PLD3: variants seen among roughly 807,000 people sequenced by gnomAD.
The protein encoded by PLD3 is phospholipase D family member 3.
A neutral mutation model predicts 58.4 loss-of-function variants in PLD3; 31 were observed. The ratio of observed to expected loss-of-function variants is 0.53; its 90% confidence interval spans 0.40 to 0.72. The LOEUF (loss-of-function observed/expected upper bound fraction) is 0.72. PLD3 is among the 30% of genes least tolerant of loss of function. The probability of loss-of-function intolerance (pLI) is 0.00; values close to 1 mark genes in which losing one functional copy is unlikely to be tolerated. For synonymous variants in PLD3, 264 were observed against 273.4 expected, an observed-to-expected ratio of 0.97 and a Z score of 0.34; for missense variants, 595 against 659.8, an observed-to-expected ratio of 0.90 and a Z score of 1.08.
rs751119553 is a variant in PLD3 at position 40,378,140 on chromosome 19, T to G, written c.1440T>G (p.Ala480=). Residue 480 remains alanine (A), a synonymous_variant, in exon 13 of 13, where the codon GCT becomes GCG. Coordinates refer to ENST00000409735, the MANE Select transcript of PLD3 (RefSeq NM_012268.4). ...SPYSHDLDTS[A]DSVGNACRLL is the part of the protein sequence containing the mutation. ...ACAGCCATGACCTTGACACCTCAGCTGACAGCGTGGGCAACGCCTGCCGCC... is the reference window on the plus strand; with the variant it reads ...ACAGCCATGACCTTGACACCTCAGCGGACAGCGTGGGCAACGCCTGCCGCC... The G allele has an allele frequency of 5.6e-6, 9 of 1,612,958 alleles. No individual in the cohort carries two copies. Among genetic ancestry groups the G allele is most frequent in the Non-Finnish European group, 6.8e-6 (8 of 1,179,378 alleles).
intron 9 of PLD3, among the ~76,000 whole-genome samples, chr19:40,372,693 G>A (rs1186702542): frequency 1.3e-5 from 2 of 151,022 alleles, no homozygotes; most frequent in Non-Finnish European, 2.9e-5. Context: ...CAAGAACTAG[G>A]GAGACACCAT....
intron 8 of PLD3, 186 bp downstream of exon 8, chr19:40,370,423 A>C (rs2079039273): frequency 2.4e-4 from 135 of 554,172 alleles, no homozygotes; most frequent in Middle Eastern, 4.6e-4. Context: ...CTATAATCTC[A>C]ACACTTTGGG....
chr19:40,370,333 C>T, intron 8 of PLD3, 96 bp downstream of exon 8: 3 of 1,367,698 alleles, frequency 2.2e-6, no homozygotes, highest in Non-Finnish European at 3.0e-6. Context: ...CCAGAGTCCT[C>T]TCCACCCATT....
At chr19:40,354,699 T>C (rs1377796368) in intron 1 of PLD3, among the ~76,000 whole-genome samples, 1 of 151,930 alleles carries the variant, frequency 6.6e-6, no homozygotes, top group Non-Finnish European at 1.5e-5. Context: ...CTAATTTTTG[T>C]ATTTTTAACA....
intron 6 of PLD3, among the ~76,000 whole-genome samples, chr19:40,368,869 G>A (rs962860687): frequency 1.2e-4 from 19 of 152,008 alleles, no homozygotes; most frequent in Admixed American, 1.1e-3. Context: ...AGGCTGCAGC[G>A]AGCCGTGATC....
intron 1 of PLD3, among the ~76,000 whole-genome samples, chr19:40,361,449 A>G: frequency 6.6e-6 from 1 of 152,128 alleles, no homozygotes; most frequent in Admixed American, 6.5e-5. Flanking sequence ...AGCAGATCAC[A>G]TCATCCTTCC....
chr19:40,373,314 T>G (rs764812777), intron 9 of PLD3, among the ~76,000 whole-genome samples: 1 of 151,738 alleles, frequency 6.6e-6, no homozygotes, highest in Non-Finnish European at 1.5e-5. Flanking sequence ...CAGTGGCTCA[T>G]GCCTGTAATC....
chr19:40,366,240 G>A (rs1176745832), intron 2 of PLD3, 179 bp from the exon 3 acceptor site: 1 of 593,588 alleles, frequency 1.7e-6, no homozygotes, highest in East Asian at 2.9e-5. Flanking sequence ...CAGAGCGTTG[G>A]ATTTTGAGGG....
At position 40,367,899 on chromosome 19, in the gene PLD3, T is replaced by A; in HGVS notation, c.429+20T>A. The A allele has an allele frequency of 6.6e-7, 1 of 1,517,492 alleles. No individual in the cohort carries two copies. Among genetic ancestry groups the A allele is most frequent in the Non-Finnish European group, 8.8e-7 (1 of 1,130,508 alleles). 94.0% of individuals were successfully genotyped at this position (1,517,492 alleles called of 1,614,324 possible). ...CAGCAGGTACCTGCAACCTTGGCCC[T>A]GGCCGGCAGCAGGGGCAGGGGGTGG... is the stretch of plus-strand genomic sequence containing the variant. On this transcript the variant is annotated intron_variant, in intron 6 of 12. Transcript: ENST00000409735.
intron 10 of PLD3, 155 bp from the exon 11 acceptor site, chr19:40,376,454 T>C (rs2079203631): frequency 1.5e-6 from 1 of 665,188 alleles, no homozygotes; most frequent in African/African-American, 1.8e-5. Context: ...ATGTGGGATT[T>C]ATGGAGACAG....
chr19:40,354,168 G>T (rs2078594838), intron 1 of PLD3, among the ~76,000 whole-genome samples: 1 of 151,224 alleles, frequency 6.6e-6, no homozygotes, highest in Non-Finnish European at 1.5e-5. Flanking sequence ...CCACCTTCTG[G>T]GGTCAAGCGA....
Position 40,365,276 on chromosome 19 carries a change from T to C in PLD3, c.-278-442T>C, listed in dbSNP as rs914929986. Among the ~76,000 whole-genome samples, 10 of 152,320 alleles carry C rather than the reference T, an allele frequency of 6.6e-5. No homozygotes were observed. The East Asian group carries it at 1.9e-3, about 29-fold the overall frequency. ...CTCCAGCCGGGGCCTTAAATCCCTC[T>C]TGGGAGATATGGGATGGGGTGGATC... On this transcript the variant is annotated intron_variant, in intron 1 of 12. Transcript: ENST00000409735.
intron 9 of PLD3, 103 bp from the exon 10 acceptor site, chr19:40,374,378 T>G (rs2145701327): frequency 2.6e-3 from 2,992 of 1,159,318 alleles, no homozygotes; most frequent in Non-Finnish European, 3.3e-3. Context: ...GAGGATTTGG[T>G]GAGATCCACA....
chr19:40,361,650 C>T (rs1273692031), intron 1 of PLD3, among the ~76,000 whole-genome samples: 1 of 152,064 alleles, frequency 6.6e-6, no homozygotes, highest in Non-Finnish European at 1.5e-5. Flanking sequence ...TTGTACTGAT[C>T]ATTTTTCCCA....
rs370176939 is a variant in PLD3, at chr19:40,351,987, C to G, written c.-279+3219C>G. ...AGTTTCAAATATCCCTGTCAAAGAT[C>G]GAGACCGGGCGTGGTGGTTCACGCC... On this transcript the variant is annotated intron_variant, in intron 1 of 12. Coordinates refer to ENST00000409735, the MANE Select transcript of PLD3 (RefSeq NM_012268.4). Among the ~76,000 whole-genome samples the G allele has an allele frequency of 9.9e-5, 15 of 152,170 alleles. No individual in the cohort carries two copies. The East Asian group carries it at 1.5e-3, about 16-fold the overall frequency.
chr19:40,368,003 T>C (rs1600309041), intron 6 of PLD3, 124 bp downstream of exon 6: 1 of 815,112 alleles, frequency 1.2e-6, no homozygotes, highest in South Asian at 1.8e-5. Context: ...ACACAGCAGA[T>C]TGGACACAGG....
chr19:40,352,049 A>G (rs974013497), intron 1 of PLD3, among the ~76,000 whole-genome samples: 1 of 152,186 alleles, frequency 6.6e-6, no homozygotes, highest in Non-Finnish European at 1.5e-5. Flanking sequence ...AGGCGGGCGG[A>G]TCACTTGAGG....
intron 1 of PLD3, among the ~76,000 whole-genome samples, chr19:40,352,388 A>C (rs1485854716): frequency 6.6e-6 from 1 of 152,302 alleles, no homozygotes; most frequent in East Asian, 1.9e-4. Flanking sequence ...GGTGGGGGGC[A>C]GGCAGCAGGG....
intron 7 of PLD3, 24 bp downstream of exon 7, chr19:40,370,052 T>C: frequency 6.4e-7 from 1 of 1,571,652 alleles, no homozygotes; most frequent in Non-Finnish European, 8.6e-7. Flanking sequence ...CAACTGGGGC[T>C]GGTCTGGGCC....
Sources: allele counts gnomAD v4.1 joint callset (sites outside exome capture counted in the v4.1 genomes callset), GRCh38; gene constraint gnomAD v4.1.1; transcripts MANE v1.5; gene names NCBI Gene and HGNC (gene_info 2026-07-23, HGNC 2026-07-21).